The following ZNF266 variants were observed in gnomAD, a reference collection of about 807,000 sequenced individuals.
The protein encoded by ZNF266 is zinc finger protein 1.
A neutral mutation model predicts 16.4 loss-of-function variants in ZNF266; 16 were observed. That is an observed-to-expected ratio of 0.98 (90% CI 0.66 to 1.48). The LOEUF (loss-of-function observed/expected upper bound fraction) is 1.48. Among genes scored for constraint, ZNF266 ranks in the 40% most tolerant of loss-of-function variants. ZNF266 has a pLI of 0.00. For synonymous variants in ZNF266, 262 were observed against 237.9 expected (o/e 1.10, Z -0.93); for missense variants, 738 against 689.1 (o/e 1.07, Z -0.79).
chr19:9,430,499 C>T (rs899799999), intron 5 of ZNF266, among the ~76,000 whole-genome samples: 3 of 152,200 alleles, frequency 2.0e-5, no homozygotes, highest in Non-Finnish European at 4.4e-5. Flanking sequence ...CCCTTGGTTA[C>T]ACACAATACC....
intron 3 of ZNF266, 36 bp downstream of exon 3, chr19:9,434,762 A>T (rs542982774): frequency 6.6e-6 from 1 of 152,324 alleles, no homozygotes; most frequent in African/African-American, 2.4e-5. Flanking sequence ...CCAAGCATTT[A>T]AACCTTAAGT....
rs878855650 is a variant in ZNF266 at position 9,435,155 on chromosome 19, A to T, written c.-519T>A. 1 of 107,548 alleles carries T rather than the reference A, an allele frequency of 9.3e-6. No homozygotes were observed. Among genetic ancestry groups the T allele is most frequent in the African/African-American group, 3.9e-5 (1 of 25,648 alleles). The allele number at this position is 107,548 out of a possible 1,614,324, so 6.7% of individuals were successfully genotyped here. A position where few individuals can be genotyped will look rare whatever the true frequency, so the allele number is the denominator to read the frequency against. On this transcript the variant is annotated 5_prime_UTR_variant, in exon 2 of 11. Transcript: ENST00000592904. ...GTACGGGAGATTGGGGGGATGAAGGACCAGTCAACCTGATTCGAACGACGA... is the reference window on the plus strand; with the variant it reads ...GTACGGGAGATTGGGGGGATGAAGGTCCAGTCAACCTGATTCGAACGACGA...
At chr19:9,434,514 G>A (rs1016795052) in intron 3 of ZNF266, among the ~76,000 whole-genome samples, 7 of 152,136 alleles carry the variant, frequency 4.6e-5, no homozygotes, top group East Asian at 1.9e-4. Context: ...CTGAAAGAAC[G>A]AGTGACTGCG....
chr19:9,414,681 G>A lies in ZNF266; in HGVS notation c.445C>T (p.Gln149Ter), dbSNP rs1304812153. 3.8e-6 allele frequency: 6 copies of A among 1,588,610 alleles called. No individual in the cohort carries two copies. Among genetic ancestry groups the A allele is most frequent in the African/African-American group, 1.3e-5 (1 of 74,448 alleles). ...HNGGEVSDVK[Q>*]CGDVSSEHSC... ...TGTTCACTGGAGACATCTCCACATTGCTTAACATCACTGACCTCCCCTCCG... is the reference window on the plus strand; with the variant it reads ...TGTTCACTGGAGACATCTCCACATTACTTAACATCACTGACCTCCCCTCCG... The change falls in exon 11 of 11, where the codon CAA (glutamine) becomes TAA (stop). Residue 149 changes from glutamine (Q) to a stop codon, truncating the protein, a stop_gained. Coordinates refer to ENST00000592904, the MANE Select transcript of ZNF266 (RefSeq NM_001370374.1). LOFTEE classifies it low-confidence loss of function (END_TRUNC).
At chr19:9,415,599 G>C (rs2068853368) in intron 10 of ZNF266, 55 bp downstream of exon 10, 3 of 1,416,512 alleles carry the variant, frequency 2.1e-6, no homozygotes, top group Non-Finnish European at 3.0e-6. Flanking sequence ...TTCTATAATG[G>C]AATCCCCAAT....
intron 5 of ZNF266, among the ~76,000 whole-genome samples, chr19:9,425,414 T>C (rs2070591416): frequency 6.6e-6 from 1 of 152,128 alleles, no homozygotes; most frequent in Non-Finnish European, 1.5e-5. Context: ...CCCAACACAC[T>C]GGAATGTAAC....
At chr19:9,417,408 CTG>C (rs2069204408) in intron 9 of ZNF266, among the ~76,000 whole-genome samples, 1 of 151,584 alleles carries the variant, frequency 6.6e-6, no homozygotes, top group African/African-American at 2.4e-5. Context: ...GGCCTCAACA[CTG>C]TGAGATGAAG....
intron 6 of ZNF266, 31 bp from the exon 7 acceptor site, chr19:9,419,330 C>T (rs2069497954): frequency 6.5e-6 from 1 of 153,282 alleles, no homozygotes; most frequent in Non-Finnish European, 1.5e-5. Context: ...CATGAGAACC[C>T]AGGGCTGACG....
chr19:9,434,363 G>A (rs1024549491), intron 3 of ZNF266, 128 bp from the exon 4 acceptor site: 1 of 152,098 alleles, frequency 6.6e-6, no homozygotes, highest in South Asian at 2.1e-4. Flanking sequence ...ACCTCCCTAA[G>A]AACAGCCCTA....
chr19:9,428,096 C>T (rs2071034761), intron 5 of ZNF266, among the ~76,000 whole-genome samples: 2 of 152,146 alleles, frequency 1.3e-5, no homozygotes, highest in Non-Finnish European at 1.5e-5. Context: ...TGCCCCAGGC[C>T]GTCTAGGAGA....
chr19:9,427,144 C>T (rs1326552233), intron 5 of ZNF266, among the ~76,000 whole-genome samples: 1 of 152,086 alleles, frequency 6.6e-6, no homozygotes, highest in African/African-American at 2.4e-5. Flanking sequence ...CCCAATTGTG[C>T]CTGCTCTTGA....
intron 9 of ZNF266, among the ~76,000 whole-genome samples, chr19:9,416,644 G>T (rs868289369): frequency 6.2e-5 from 9 of 144,164 alleles, no homozygotes; most frequent in Admixed American, 2.1e-4. Context: ...GATTACAGAC[G>T]TGAGCCACCG....
intron 5 of ZNF266, among the ~76,000 whole-genome samples, chr19:9,427,342 T>C (rs1276463605): frequency 6.6e-6 from 1 of 152,108 alleles, no homozygotes; most frequent in East Asian, 1.9e-4. Context: ...TTTTCTGAGA[T>C]TGAGTCTTGC....
intron 5 of ZNF266, among the ~76,000 whole-genome samples, chr19:9,424,236 A>G (rs1040688111): frequency 8.7e-5 from 13 of 149,606 alleles, no homozygotes; most frequent in East Asian, 1.9e-4. Context: ...AAAAAAAAAA[A>G]AAAAAGAAAA....
At chr19:9,424,963 T>C (rs1392958675) in intron 5 of ZNF266, among the ~76,000 whole-genome samples, 2 of 152,142 alleles carry the variant, frequency 1.3e-5, no homozygotes, top group African/African-American at 4.8e-5. Flanking sequence ...AAAAGTGAAA[T>C]ATGCCAGTTA....
In ZNF266 at chr19:9,417,819, A is replaced by T. The variant is rs73920773; in HGVS notation, c.316+9T>A. On this transcript the variant is annotated intron_variant, in intron 9 of 10. Coordinates refer to ENST00000592904, the MANE Select transcript of ZNF266 (RefSeq NM_001370374.1). ...TTATTGACCAGGGCGGTCCTTTGTG[A>T]ACACTCACCTTGGAAATCACCTCTC... The T allele has an allele frequency of 2.8e-3, 4,538 of 1,613,064 alleles. 110 individuals carry two copies. In the African/African-American group the frequency reaches 0.052, roughly 19 times the overall value.
At chr19:9,428,520 CAGTGG>C (rs1475741237) in intron 5 of ZNF266, among the ~76,000 whole-genome samples, 1 of 152,190 alleles carries the variant, frequency 6.6e-6, no homozygotes. Flanking sequence ...TGATGGGGCT[CAGTGG>C]AATGCTGCTG....
At chr19:9,424,559 C>T (rs1199278134) in intron 5 of ZNF266, among the ~76,000 whole-genome samples, 1 of 152,174 alleles carries the variant, frequency 6.6e-6, no homozygotes, top group Non-Finnish European at 1.5e-5. Context: ...CAACTACAAC[C>T]TCAAGAGCAG....
At chr19:9,432,232 T>G (rs1194431698) in intron 5 of ZNF266, among the ~76,000 whole-genome samples, 2 of 152,240 alleles carry the variant, frequency 1.3e-5, no homozygotes, top group Non-Finnish European at 2.9e-5. Context: ...GTGTTGGGAT[T>G]ACAGGCGTGA....
Sources: gnomAD v4.1 joint callset for allele counts (sites outside exome capture counted in the v4.1 genomes callset) on GRCh38, gnomAD v4.1.1 for gene constraint, MANE v1.5 for transcripts, NCBI Gene and HGNC (gene_info 2026-07-23, HGNC 2026-07-21) for gene names.